SYNE1: variants seen among roughly 807,000 people sequenced by gnomAD.
The protein encoded by SYNE1 is spectrin repeat containing nuclear envelope protein 1, also known as nesprin-1.
A neutral mutation model predicts 1,111.0 loss-of-function variants in SYNE1; 616 were observed. The observed-to-expected ratio is 0.55, with a 90% CI of 0.52 to 0.59. SYNE1 has a LOEUF of 0.59. Among genes scored for constraint, SYNE1 ranks in the 20% least tolerant of loss-of-function variants. The pLI is 0.00. For missense variants in SYNE1, 10,006 were observed against 10,417.0 expected (o/e 0.96, Z 1.72); for synonymous variants, 3,855 against 3,825.8 (o/e 1.01, Z -0.28).
intron 42 of SYNE1, among the ~76,000 whole-genome samples, chr6:152,410,088 T>A (rs2097995825): frequency 6.6e-6 from 1 of 152,188 alleles, no homozygotes. Context: ...TAATGGCATA[T>A]GTTGTGTGAA....
intron 74 of SYNE1, among the ~76,000 whole-genome samples, chr6:152,341,899 T>TCTAAGAC (rs1289301739): frequency 1.2e-4 from 19 of 152,204 alleles, no homozygotes; most frequent in African/African-American, 4.3e-4. Context: ...AGTTTCAGTT[T>TCTAAGAC]CTAAGACCTA....
intron 40 of SYNE1, among the ~76,000 whole-genome samples, chr6:152,418,722 A>G (rs576669244): frequency 6.6e-6 from 1 of 152,298 alleles, no homozygotes; most frequent in East Asian, 1.9e-4. Flanking sequence ...GTTCCTCCAG[A>G]AGAAATATAA....
In SYNE1 at chr6:152,428,380, C is replaced by T. The variant is rs1481177792; in HGVS notation, c.4801G>A (p.Ala1601Thr). Residue 1601 changes from alanine to threonine, a missense_variant, in exon 37 of 146, where the codon GCC becomes ACC. By Grantham distance (58) the Ala-to-Thr change is moderately conservative. Coordinates refer to ENST00000367255, the MANE Select transcript of SYNE1 (RefSeq NM_182961.4). ...ATCGCGCTGCTCAGTGACTCCAGGG[C>T]CTGGCAGAGATCCTAAGAAGAGTGC... ...VLQEHMDLCQ[A>T]LESLSSAITA... 1.2e-6 allele frequency: 2 copies of T among 1,613,596 alleles called. No individual in the cohort carries two copies. The highest frequency in any genetic ancestry group is 1.7e-6 in the Non-Finnish European group (2 of 1,180,032).
intron 3 of SYNE1, among the ~76,000 whole-genome samples, chr6:152,611,515 C>A (rs1218015274): frequency 6.6e-6 from 1 of 152,108 alleles, no homozygotes; most frequent in Non-Finnish European, 1.5e-5. Flanking sequence ...TAGAGACCTA[C>A]AAAGAGACTT....
At chr6:152,341,312 G>A (rs2096530051) in intron 74 of SYNE1, among the ~76,000 whole-genome samples, 1 of 152,156 alleles carries the variant, frequency 6.6e-6, no homozygotes. Flanking sequence ...TGTATTTTAT[G>A]AACATATTTA....
rs575601727 is a variant in SYNE1, at chr6:152,196,421, C to A, written c.23145+5403G>T. Among the ~76,000 whole-genome samples the A allele has an allele frequency of 1.1e-4, 17 of 152,118 alleles. 1 individual carries two copies. The South Asian group carries it at 2.1e-3, about 19-fold the overall frequency. The stretch of plus-strand genomic sequence containing the variant: ...GAAGCCAGCATGTCTCCGAATCTGA[C>A]CCAAGGCCCACAGTGTGTAATACCT... On this transcript the variant is annotated intron_variant, in intron 127 of 145. Coordinates refer to ENST00000367255, the MANE Select transcript of SYNE1 (RefSeq NM_182961.4).
intron 46 of SYNE1, 129 bp downstream of exon 46, chr6:152,404,084 T>C (rs1563751217): frequency 1.8e-6 from 1 of 545,600 alleles, no homozygotes; most frequent in Middle Eastern, 5.0e-4. Context: ...TATAGATATA[T>C]ACGAGATATA....
chr6:152,423,323 C>A (rs2098297270), intron 39 of SYNE1, among the ~76,000 whole-genome samples: 1 of 152,200 alleles, frequency 6.6e-6, no homozygotes, highest in Non-Finnish European at 1.5e-5. Context: ...ATCCTGAAGG[C>A]TCCTGTGTAT....
At chr6:152,545,062 T>C (rs1258747922) in intron 3 of SYNE1, among the ~76,000 whole-genome samples, 3 of 152,122 alleles carry the variant, frequency 2.0e-5, no homozygotes, top group African/African-American at 7.2e-5. Context: ...ACTTAACAGA[T>C]GGTATGTTTA....
chr6:152,308,482 C>T lies in SYNE1; in HGVS notation c.17346+7G>A, dbSNP rs9383985. 513,236 of 1,613,560 alleles carry T rather than the reference C, an allele frequency of 0.32. 85,973 individuals are homozygous for T. The highest frequency in any genetic ancestry group is 0.58 in the East Asian group (25,999 of 44,854). On this transcript the variant is annotated splice_region_variant and intron_variant, in intron 91 of 145. Transcript: ENST00000367255. ...TGCCCTCGGTATTTCGCCTACATTC[C>T]TCTCACCTCATGCCGAGAAATCTGA...
intron 145 of SYNE1, chr6:152,126,879 C>T (rs936239564): frequency 3.9e-5 from 6 of 152,184 alleles, no homozygotes; most frequent in African/African-American, 9.7e-5. Context: ...GAGTTAATTT[C>T]GTGCATGCAT....
rs886043783 is a variant in SYNE1 at position 152,390,324 on chromosome 6, T to C, written c.8133A>G (p.Lys2711=). ...AGCTCATGATGTCAGCCCACACTTCTTTAAGGGTCTCTAACTGAGTCTGAA... is the reference window on the plus strand; with the variant it reads ...AGCTCATGATGTCAGCCCACACTTCCTTAAGGGTCTCTAACTGAGTCTGAA... The part of the protein sequence containing the change: ...RVIQTQLETL[K]EVWADIMSSS... The change falls in exon 53 of 146, where the codon AAA becomes AAG. Residue 2711 remains lysine (K), a synonymous_variant. Transcript: ENST00000367255. The C allele has an allele frequency of 1.4e-5, 23 of 1,614,146 alleles. No individual in the cohort carries two copies. Among genetic ancestry groups the C allele is most frequent in the Non-Finnish European group, 1.9e-5 (23 of 1,180,006 alleles).
chr6:152,178,207 T>C (rs181812265), intron 129 of SYNE1, among the ~76,000 whole-genome samples: 5 of 152,082 alleles, frequency 3.3e-5, no homozygotes, highest in Non-Finnish European at 4.4e-5. Context: ...ATGGTTTTTT[T>C]CCCCACACTC....
intron 51 of SYNE1, among the ~76,000 whole-genome samples, chr6:152,394,326 T>C (rs968596442): frequency 2.6e-5 from 4 of 152,204 alleles, no homozygotes; most frequent in African/African-American, 7.2e-5. Flanking sequence ...ATTTCTAATA[T>C]GATTGTTTCT....
At chr6:152,393,083 C>T (rs2097672043) in intron 51 of SYNE1, among the ~76,000 whole-genome samples, 1 of 152,176 alleles carries the variant, frequency 6.6e-6, no homozygotes, top group Non-Finnish European at 1.5e-5. Context: ...GAAACAAGCA[C>T]ACTAAGATCT....
chr6:152,419,015 C>T (rs931390451), intron 40 of SYNE1, among the ~76,000 whole-genome samples: 1 of 152,138 alleles, frequency 6.6e-6, no homozygotes, highest in African/African-American at 2.4e-5. Flanking sequence ...TTGTGGGACT[C>T]CCATACAATA....
At chr6:152,125,037 C>T (rs892577254) in intron 145 of SYNE1, among the ~76,000 whole-genome samples, 1 of 152,224 alleles carries the variant, frequency 6.6e-6, no homozygotes, top group Non-Finnish European at 1.5e-5. Flanking sequence ...CTGGCTCAAG[C>T]TCACACAGCC....
intron 3 of SYNE1, among the ~76,000 whole-genome samples, chr6:152,575,451 T>A (rs2099492476): frequency 6.6e-6 from 1 of 152,216 alleles, no homozygotes; most frequent in Non-Finnish European, 1.5e-5. Context: ...ACACTCCTCA[T>A]GTCATTCTTA....
Position 152,244,762 on chromosome 6 carries a change from T to C in SYNE1, c.19573-106A>G, listed in dbSNP as rs3888239. 773,850 of 1,393,792 alleles carry C rather than the reference T, an allele frequency of 0.56. 218,268 individuals are homozygous for C. Among genetic ancestry groups the C allele is most frequent in the East Asian group, 0.74 (32,047 of 43,182 alleles). The allele number at this position is 1,393,792 out of a possible 1,614,324, so 86.3% of individuals were successfully genotyped here. ...GTGTTCCTCCTCTCCATGTAAAACA[T>C]TCTCAATATATACAAAAGGAATCAT... is the stretch of plus-strand genomic sequence containing the variant. On this transcript the variant is annotated intron_variant, in intron 105 of 145. Coordinates refer to ENST00000367255, the MANE Select transcript of SYNE1 (RefSeq NM_182961.4).
Sources: allele counts gnomAD v4.1 joint callset (sites outside exome capture counted in the v4.1 genomes callset), GRCh38; gene constraint gnomAD v4.1.1; transcripts MANE v1.5; gene names NCBI Gene and HGNC (gene_info 2026-07-23, HGNC 2026-07-21).